The following BSN variants were observed in gnomAD, a reference collection of about 807,000 sequenced individuals.
BSN encodes bassoon presynaptic cytomatrix protein.
Under a neutral mutation model 264.8 loss-of-function variants are expected in BSN, and 57 were observed. The ratio of observed to expected loss-of-function variants is 0.22; its 90% CI spans 0.17 to 0.27. The LOEUF (loss-of-function observed/expected upper bound fraction) is 0.27. BSN is among the 10% of genes least tolerant of loss of function. The probability of loss-of-function intolerance (pLI) is 1.00; values close to 1 mark genes in which losing one functional copy is unlikely to be tolerated. For missense variants in BSN, 4,615 were observed against 5,232.5 expected (o/e 0.88, Z 3.64); for synonymous variants, 2,059 against 2,137.3 (o/e 0.96, Z 1.01).
chr3:49,634,886 C>T (rs185649706), intron 2 of BSN, among the ~76,000 whole-genome samples: 2 of 152,110 alleles, frequency 1.3e-5, no homozygotes, highest in Non-Finnish European at 2.9e-5. Context: ...CATACACACA[C>T]ATATATATAC....
In BSN at chr3:49,660,201, C is replaced by T. The variant is rs1345440949; in HGVS notation, c.8641-285C>T. Among the ~76,000 whole-genome samples, 1 of 152,184 alleles carries T rather than the reference C, an allele frequency of 6.6e-6. No individual in the cohort carries two copies. Among genetic ancestry groups the T allele is most frequent in the African/African-American group, 2.4e-5 (1 of 41,414 alleles). On this transcript the variant is annotated intron_variant, in intron 5 of 11. Coordinates refer to ENST00000296452, the MANE Select transcript of BSN (RefSeq NM_003458.4). This position sits in a 1 kb window ranked among gnomAD's most constrained non-coding sequence, Gnocchi z 7.1. ...GGGGTTCTCAAAGCCATGTGCTGGG[C>T]CAGTACAGGACATTGGCATGAAGGG...
Position 49,643,306 on chromosome 3 carries a change from C to T in BSN, c.1518+154C>T, listed in dbSNP as rs558448081. ...CTGCAGAGGGGCTGCATTCCCTTTCCTGTCCCTACCTCAGGCCCCAGTTCT... is the reference window on the plus strand; with the variant it reads ...CTGCAGAGGGGCTGCATTCCCTTTCTTGTCCCTACCTCAGGCCCCAGTTCT... On this transcript the variant is annotated intron_variant, in intron 3 of 11. Coordinates refer to ENST00000296452, the MANE Select transcript of BSN (RefSeq NM_003458.4). 2.6e-4 allele frequency among the ~76,000 whole-genome samples: 40 copies of T among 152,356 alleles called. 1 individual carries two copies. The highest frequency in any genetic ancestry group is 4.7e-4 in the Non-Finnish European group (32 of 68,042).
chr3:49,610,157 G>A (rs150286533), intron 1 of BSN, among the ~76,000 whole-genome samples: 2 of 152,214 alleles, frequency 1.3e-5, no homozygotes, highest in East Asian at 3.9e-4. Flanking sequence ...CCTTCTGGGA[G>A]CCCCCAGACC....
Position 49,664,932 on chromosome 3 carries a change from G to A in BSN, c.*14+79G>A, listed in dbSNP as rs573454777. The A allele has an allele frequency of 6.3e-6, 7 of 1,102,662 alleles. No homozygotes were observed. The East Asian group carries it at 1.2e-4, about 19-fold the overall frequency. 68.3% of individuals were successfully genotyped at this position (1,102,662 alleles called of 1,614,324 possible). A position where few individuals can be genotyped will look rare whatever the true frequency, so the allele number is the denominator to read the frequency against. On this transcript the variant is annotated intron_variant, in intron 10 of 11. Coordinates refer to ENST00000296452, the MANE Select transcript of BSN (RefSeq NM_003458.4). ...GGGGTGGGGGTGGGGCTCTAAGTCCGAAGGGGTCCTCTGGGAGGAGTCCAG... is the reference window on the plus strand; with the variant it reads ...GGGGTGGGGGTGGGGCTCTAAGTCCAAAGGGGTCCTCTGGGAGGAGTCCAG...
In BSN at chr3:49,662,703, C is replaced by T. The variant is rs1237360999; in HGVS notation, c.10717+141C>T. 1.1e-5 allele frequency: 13 copies of T among 1,137,434 alleles called. No individual in the cohort carries two copies. In the East Asian group the frequency reaches 6.6e-4, roughly 58 times the overall value. The allele number at this position is 1,137,434 out of a possible 1,614,324, so 70.5% of individuals were successfully genotyped here. On this transcript the variant is annotated intron_variant, in intron 6 of 11. Transcript: ENST00000296452. ...TGGGCCCTGCTGCAGGCAGGCTGCC[C>T]TTGCCTGCTCCATCTGTGCCCTGGT... is the stretch of plus-strand genomic sequence containing the variant.
At chr3:49,614,565 G>A (rs1223649574) in intron 1 of BSN, among the ~76,000 whole-genome samples, 1 of 152,178 alleles carries the variant, frequency 6.6e-6, no homozygotes, top group Non-Finnish European at 1.5e-5. Flanking sequence ...TGGGCCTGGT[G>A]CAATTCTTAG....
intron 2 of BSN, among the ~76,000 whole-genome samples, chr3:49,630,526 G>A (rs1469128898): frequency 1.3e-5 from 2 of 152,244 alleles, no homozygotes; most frequent in Non-Finnish European, 2.9e-5. Flanking sequence ...CCAGAAGACA[G>A]GACCTTTGGC....
At chr3:49,590,478 T>C in intron 1 of BSN, among the ~76,000 whole-genome samples, 1 of 151,880 alleles carries the variant, frequency 6.6e-6, no homozygotes, top group East Asian at 1.9e-4. Context: ...AATTTACTAC[T>C]TTTTTTTATT....
chr3:49,652,019 T>C lies in BSN; in HGVS notation c.2463T>C (p.Gly821=). Residue 821 remains glycine (G), a synonymous_variant, in exon 5 of 12, where the codon GGT becomes GGC. Transcript: ENST00000296452. ...RHDYVEDSSE[G]GLSPLPPQPP... Reference sequence around the variant, plus strand: ...ACTATGTGGAGGACAGCAGTGAGGGTGGCCTGTCCCCTCTTCCACCCCAGC... The same window carrying C: ...ACTATGTGGAGGACAGCAGTGAGGGCGGCCTGTCCCCTCTTCCACCCCAGC... The C allele has an allele frequency of 6.2e-7, 1 of 1,611,932 alleles. No individual in the cohort carries two copies. Among genetic ancestry groups the C allele is most frequent in the Non-Finnish European group, 8.5e-7 (1 of 1,178,592 alleles).
At chr3:49,583,937 G>A (rs138202575) in intron 1 of BSN, among the ~76,000 whole-genome samples, 1 of 152,086 alleles carries the variant, frequency 6.6e-6, no homozygotes, top group African/African-American at 2.4e-5. Flanking sequence ...GCAGTGGCGC[G>A]ATCTCGGCTC....
chr3:49,620,950 A>C (rs578031739), intron 1 of BSN, among the ~76,000 whole-genome samples: 87 of 152,190 alleles, frequency 5.7e-4, no homozygotes, highest in Non-Finnish European at 9.8e-4. Context: ...CACACACACA[A>C]AAAGACTTAT....
chr3:49,593,753 G>C lies in BSN; in HGVS notation c.225-31222G>C, dbSNP rs532086784. 8.6e-5 allele frequency among the ~76,000 whole-genome samples: 12 copies of C among 139,700 alleles called. No homozygotes were observed. In the South Asian group the frequency reaches 2.7e-3, roughly 32 times the overall value. 91.6% of individuals were successfully genotyped at this position (139,700 alleles called of 152,430 possible). On this transcript the variant is annotated intron_variant, in intron 1 of 11. Coordinates refer to ENST00000296452, the MANE Select transcript of BSN (RefSeq NM_003458.4). Reference sequence around the variant, plus strand: ...TTTTTTCTTCTGTTGAGTTTTGAGGGTTCTTTATATATTCTAGATACTAGT... The same window carrying C: ...TTTTTTCTTCTGTTGAGTTTTGAGGCTTCTTTATATATTCTAGATACTAGT...
chr3:49,589,695 C>T (rs1163031832), intron 1 of BSN, among the ~76,000 whole-genome samples: 1 of 150,904 alleles, frequency 6.6e-6, no homozygotes, highest in African/African-American at 2.4e-5. Context: ...TTAGTAGAGA[C>T]GGTGTTTCAC....
intron 2 of BSN, chr3:49,641,653 C>G (rs891118337): frequency 6.6e-6 from 1 of 152,196 alleles, no homozygotes; most frequent in East Asian, 1.9e-4. Context: ...ATTTTGTTCT[C>G]AAGATTTTTC....
intron 2 of BSN, among the ~76,000 whole-genome samples, chr3:49,639,294 G>T (rs2052443372): frequency 2.0e-5 from 3 of 151,180 alleles, no homozygotes; most frequent in Admixed American, 2.0e-4. Flanking sequence ...TGCCTCCCAG[G>T]TTCAAGCGAT....
rs181210732 is a variant in BSN, at chr3:49,638,075, G to A, written c.634-4193G>A. Among the ~76,000 whole-genome samples the A allele has an allele frequency of 1.8e-4, 28 of 152,362 alleles. No homozygotes were observed. Among genetic ancestry groups the A allele is most frequent in the African/African-American group, 5.8e-4 (24 of 41,586 alleles). On this transcript the variant is annotated intron_variant, in intron 2 of 11. Transcript: ENST00000296452. This position sits in a 1 kb window ranked among gnomAD's most constrained non-coding sequence, Gnocchi z 4.3. ...CATGTGCCAGATCAGGATCTTGGAG[G>A]TATTAGACAGCAGAACCCTAGCTGA...
intron 1 of BSN, among the ~76,000 whole-genome samples, chr3:49,615,565 G>C (rs961717262): frequency 6.6e-6 from 1 of 152,152 alleles, no homozygotes; most frequent in African/African-American, 2.4e-5. Context: ...AGGAACCCTG[G>C]GTGTGGTACC....
chr3:49,660,330 G>A lies in BSN; in HGVS notation c.8641-156G>A, dbSNP rs916591819. 6.6e-6 allele frequency among the ~76,000 whole-genome samples: 1 copy of A among 152,154 alleles called. No homozygotes were observed. The highest frequency in any genetic ancestry group is 2.4e-5 in the African/African-American group (1 of 41,426). On this transcript the variant is annotated intron_variant, in intron 5 of 11. Transcript: ENST00000296452. This position sits in a 1 kb window ranked among gnomAD's most constrained non-coding sequence, Gnocchi z 7.1. The stretch of plus-strand genomic sequence containing the variant: ...GGCAAAGAAACCAAGGCCTATGGGT[G>A]GGCAGGGTAGGCCTCCAGGCTGCCT...
chr3:49,656,424 G>T lies in BSN; in HGVS notation c.6868G>T (p.Ala2290Ser). 2 of 1,589,436 alleles carry T rather than the reference G, an allele frequency of 1.3e-6. No homozygotes were observed. Among genetic ancestry groups the T allele is most frequent in the South Asian group, 1.1e-5 (1 of 87,704 alleles). ...TCTGGGGAAACCTGCTGCTGCCAAG[G>T]CCCCTGGGGCTGGGGGCCCTTCAAG... The part of the protein sequence containing the change: ...VYLGKPAAAK[A>S]PGAGGPSRPE... Residue 2290 changes from alanine (A) to serine (S), a missense_variant, in exon 5 of 12, where the codon GCC (alanine) becomes TCC (serine). By Grantham distance (99) the Ala-to-Ser change is moderately conservative. This residue lies in a region of BSN where 3,415 missense variants were observed against 3,866.4 expected (regional missense o/e 0.88). Coordinates refer to ENST00000296452, the MANE Select transcript of BSN (RefSeq NM_003458.4).
Sources: allele counts gnomAD v4.1 joint callset (sites outside exome capture counted in the v4.1 genomes callset), GRCh38; gene constraint gnomAD v4.1.1; regional missense constraint gnomAD v4.1.1; non-coding constraint Gnocchi (gnomAD v3.1); transcripts MANE v1.5; gene names NCBI Gene and HGNC (gene_info 2026-07-23, HGNC 2026-07-21).